Variants in MINAR2 observed in about 807,000 individuals in gnomAD.
The protein encoded by MINAR2 is major intrinsically disordered NOTCH2-binding receptor 1-like.
In MINAR2, 21 loss-of-function variants were observed where a neutral mutation model predicts 16.1. That is an observed-to-expected ratio of 1.31 (90% CI 0.93 to 1.88). The LOEUF is 1.88. Ranked by LOEUF, MINAR2 falls within the 40% of genes most tolerant of loss-of-function variation. The probability of loss-of-function intolerance (pLI) is 0.00; values close to 1 mark genes in which losing one functional copy is unlikely to be tolerated. For synonymous variants in MINAR2, 86 were observed against 83.0 expected (o/e 1.04, Z -0.20); for missense variants, 259 against 229.8 (o/e 1.13, Z -0.82).
chr5:129,760,694 CT>C, intron 2 of MINAR2, 89 bp downstream of exon 2: 1 of 980,306 alleles, frequency 1.0e-6, no homozygotes, highest in Non-Finnish European at 1.5e-6. Context: ...GTGACAGGTA[CT>C]CTTCACTAGG....
intron 2 of MINAR2, among the ~76,000 whole-genome samples, chr5:129,761,444 G>A (rs1013035178): frequency 6.6e-6 from 1 of 151,676 alleles, no homozygotes. Flanking sequence ...TTTTTAAAGA[G>A]GACAGCACCC....
rs369662174 is a variant in MINAR2, at chr5:129,751,080, T to C, written c.165+2725T>C. ...GATTCCCTAGATTTGAAATGTCACA[T>C]TGAATTCTTAAATATTGGTATCATT... is the stretch of plus-strand genomic sequence containing the variant. On this transcript the variant is annotated intron_variant, in intron 1 of 2. Coordinates refer to ENST00000564719, the MANE Select transcript of MINAR2 (RefSeq NM_001257308.2). Among the ~76,000 whole-genome samples the C allele has an allele frequency of 2.6e-4, 40 of 152,364 alleles. No individual in the cohort carries two copies. In the East Asian group the frequency reaches 5.6e-3, roughly 21 times the overall value.
intron 1 of MINAR2, among the ~76,000 whole-genome samples, chr5:129,753,558 C>A (rs1363088367): frequency 6.6e-6 from 1 of 150,806 alleles, no homozygotes; most frequent in Non-Finnish European, 1.5e-5. Context: ...TCGAGACCAG[C>A]CTGACCAACA....
At chr5:129,764,852 TTAATCA>T in intron 2 of MINAR2, 26 bp from the exon 3 acceptor site, 1 of 1,179,098 alleles carries the variant, frequency 8.5e-7, no homozygotes, top group Non-Finnish European at 1.1e-6. Context: ...TGATTACTGA[TTAATCA>T]TATTCTCTAT....
At position 129,760,483 on chromosome 5, in the gene MINAR2, A is replaced by C; in HGVS notation, c.271A>C (p.Asn91His). ...ATCCATGTCATCAGTTATGAAGAATAACCCACTCTATGGTGACCTAAGTTT... is the reference window on the plus strand; with the variant it reads ...ATCCATGTCATCAGTTATGAAGAATCACCCACTCTATGGTGACCTAAGTTT... Reference protein sequence around the residue: ...PPSMSSVMKNNPLYGDLSLEE... With the variant: ...PPSMSSVMKNHPLYGDLSLEE... The change falls in exon 2 of 3, where the codon AAC (asparagine) becomes CAC (histidine). Residue 91 changes from asparagine to histidine, a missense_variant. Physicochemically the swap from Asn to His is moderately conservative, Grantham distance 68 (BLOSUM62 1). Transcript: ENST00000564719. 6.5e-7 allele frequency: 1 copy of C among 1,535,876 alleles called. No individual in the cohort carries two copies. Among genetic ancestry groups the C allele is most frequent in the Non-Finnish European group, 8.7e-7 (1 of 1,146,606 alleles).
At chr5:129,751,210 A>AT (rs565627835) in intron 1 of MINAR2, among the ~76,000 whole-genome samples, 20 of 148,806 alleles carry the variant, frequency 1.3e-4, no homozygotes, top group East Asian at 3.9e-4. Flanking sequence ...CATTCAATCT[A>AT]TTTTTTTTTT....
intron 1 of MINAR2, among the ~76,000 whole-genome samples, chr5:129,757,837 A>G (rs1299547876): frequency 6.6e-6 from 1 of 151,970 alleles, no homozygotes; most frequent in Non-Finnish European, 1.5e-5. Flanking sequence ...CAATACTTGC[A>G]TGGATTCACA....
chr5:129,751,160 G>A, intron 1 of MINAR2, among the ~76,000 whole-genome samples: 1 of 152,014 alleles, frequency 6.6e-6, no homozygotes, highest in East Asian at 1.9e-4. Flanking sequence ...ATTTGCAGAG[G>A]AAACTCTCCT....
rs577102596 is a variant in MINAR2, at chr5:129,763,978, T to C, written c.394-906T>C. Reference sequence around the variant, plus strand: ...AAAGCAGATGAAATATAATGAAGCATGAAGTAGGTTTGTGAAAGCAGAGAT... The same window carrying C: ...AAAGCAGATGAAATATAATGAAGCACGAAGTAGGTTTGTGAAAGCAGAGAT... On this transcript the variant is annotated intron_variant, in intron 2 of 2. Transcript: ENST00000564719. Among the ~76,000 whole-genome samples, 32 of 152,296 alleles carry C rather than the reference T, an allele frequency of 2.1e-4. No homozygotes were observed. In the South Asian group the frequency reaches 6.4e-3, roughly 31 times the overall value.
At chr5:129,754,809 G>C (rs1758035260) in intron 1 of MINAR2, among the ~76,000 whole-genome samples, 1 of 151,996 alleles carries the variant, frequency 6.6e-6, no homozygotes, top group Non-Finnish European at 1.5e-5. Flanking sequence ...TCTGCTATTT[G>C]TTTATTTATA....
chr5:129,748,128 A>G lies in MINAR2; in HGVS notation c.-63A>G. The stretch of plus-strand genomic sequence containing the variant: ...CAGAGCATCCTCAGGCACATTAATA[A>G]TGGAGGAGTCTGACAAGAGCAGCTT... On this transcript the variant is annotated 5_prime_UTR_variant, in exon 1 of 3. An upstream start codon of the reference 5' UTR is lost. Transcript: ENST00000564719. 6.9e-7 allele frequency: 1 copy of G among 1,448,350 alleles called. No individual in the cohort carries two copies. The highest frequency in any genetic ancestry group is 9.3e-7 in the Non-Finnish European group (1 of 1,078,582). The allele number at this position is 1,448,350 out of a possible 1,614,324, so 89.7% of individuals were successfully genotyped here. A position where few individuals can be genotyped will look rare whatever the true frequency, so the allele number is the denominator to read the frequency against.
rs1457513131 is a variant in MINAR2 at position 129,765,307 on chromosome 5, C to T, written c.*244C>T. ...CCCTGAACTTTGGGAAGCAGGAATT[C>T]TGAGGACCATAATCACAGAATAGTC... is the stretch of plus-strand genomic sequence containing the variant. On this transcript the variant is annotated 3_prime_UTR_variant, in exon 3 of 3. Coordinates refer to ENST00000564719, the MANE Select transcript of MINAR2 (RefSeq NM_001257308.2). The T allele has an allele frequency of 2.5e-5, 9 of 355,698 alleles. No individual in the cohort carries two copies. Among genetic ancestry groups the T allele is most frequent in the Non-Finnish European group, 4.0e-5 (8 of 199,762 alleles). The allele number at this position is 355,698 out of a possible 1,614,324, so 22.0% of individuals were successfully genotyped here. A position where few individuals can be genotyped will look rare whatever the true frequency, so the allele number is the denominator to read the frequency against.
intron 1 of MINAR2, among the ~76,000 whole-genome samples, chr5:129,750,835 G>C (rs766380286): frequency 2.0e-5 from 3 of 152,096 alleles, no homozygotes; most frequent in Middle Eastern, 3.2e-3. Context: ...TGGTTGAGGG[G>C]ATGTACTCAA....
chr5:129,754,818 T>A (rs1212368345), intron 1 of MINAR2, among the ~76,000 whole-genome samples: 1 of 152,212 alleles, frequency 6.6e-6, no homozygotes, highest in Non-Finnish European at 1.5e-5. Flanking sequence ...TGTTTATTTA[T>A]AACCCTATTT....
chr5:129,759,883 G>GACCTCA (rs1334165125), intron 1 of MINAR2, among the ~76,000 whole-genome samples: 1 of 152,138 alleles, frequency 6.6e-6, no homozygotes, highest in Non-Finnish European at 1.5e-5. Context: ...AGTTAGCTTA[G>GACCTCA]ACCTCAAAGC....
At chr5:129,760,075 G>T (rs951165878) in intron 1 of MINAR2, among the ~76,000 whole-genome samples, 1 of 152,152 alleles carries the variant, frequency 6.6e-6, no homozygotes, top group Non-Finnish European at 1.5e-5. Flanking sequence ...CCTGAGAAAA[G>T]TTGGCTTTGT....
intron 1 of MINAR2, among the ~76,000 whole-genome samples, chr5:129,755,135 T>G (rs762928714): frequency 1.3e-5 from 2 of 152,084 alleles, no homozygotes; most frequent in Non-Finnish European, 2.9e-5. Flanking sequence ...TGTGGTAAAT[T>G]TCATTAATAT....
intron 1 of MINAR2, among the ~76,000 whole-genome samples, chr5:129,757,680 A>G (rs1358828875): frequency 6.6e-6 from 1 of 151,794 alleles, no homozygotes; most frequent in Non-Finnish European, 1.5e-5. Flanking sequence ...CTTGTTAGTA[A>G]TATCTCTATC....
chr5:129,759,751 A>G (rs992573101), intron 1 of MINAR2, among the ~76,000 whole-genome samples: 1 of 152,100 alleles, frequency 6.6e-6, no homozygotes, highest in Admixed American at 6.6e-5. Context: ...AGAGCTATGT[A>G]TTTATATATA....
Sources: gnomAD v4.1 joint callset for allele counts (sites outside exome capture counted in the v4.1 genomes callset) on GRCh38, gnomAD v4.1.1 for gene constraint, MANE v1.5 for transcripts, NCBI Gene and HGNC (gene_info 2026-07-23, HGNC 2026-07-21) for gene names.